The following VPS50 variants were observed in gnomAD, a reference collection of about 807,000 sequenced individuals.
VPS50 encodes syndetin.
Under a neutral mutation model 139.7 loss-of-function variants are expected in VPS50, and 70 were observed. That is an observed-to-expected ratio of 0.50 (90% CI 0.41 to 0.61). The LOEUF (loss-of-function observed/expected upper bound fraction) is 0.61. Ranked by LOEUF, VPS50 falls within the 20% of genes least tolerant of loss-of-function variation. The pLI is 0.00. For synonymous variants in VPS50, 365 were observed against 376.7 expected (o/e 0.97, Z 0.36); for missense variants, 921 against 1,133.7 (o/e 0.81, Z 2.69).
At chr7:93,294,074 A>C (rs117749428) in intron 13 of VPS50, among the ~76,000 whole-genome samples, 1 of 152,236 alleles carries the variant, frequency 6.6e-6, no homozygotes, top group African/African-American at 2.4e-5. Context: ...TAAATTATTT[A>C]TCTGGAGTGG....
At position 93,305,889 on chromosome 7, in the gene VPS50, C is replaced by T. The variant is rs759146476; in HGVS notation, c.1514C>T (p.Ser505Leu). The change falls in exon 18 of 28, where the codon TCA becomes TTA. Residue 505 changes from serine to leucine, a missense_variant. Ser to Leu is a moderately radical substitution (Grantham distance 145). Transcript: ENST00000305866. The stretch of plus-strand genomic sequence containing the variant: ...GTTTCACCTAGTAAACAGCCAGTCT[C>T]AACTTCTTCAAAAACAGTGACCTTG... ...PSVSPSKQPV[S>L]TSSKTVTLFE... The T allele has an allele frequency of 1.2e-6, 2 of 1,612,324 alleles. No individual in the cohort carries two copies. The highest frequency in any genetic ancestry group is 1.1e-5 in the South Asian group (1 of 91,034).
intron 21 of VPS50, among the ~76,000 whole-genome samples, chr7:93,327,573 T>C (rs1354159976): frequency 6.6e-6 from 1 of 152,230 alleles, no homozygotes; most frequent in Admixed American, 6.5e-5. Flanking sequence ...TAATCTGATA[T>C]TTTATATTTA....
chr7:93,245,245 T>A (rs146347497), intron 2 of VPS50, among the ~76,000 whole-genome samples: 1 of 151,644 alleles, frequency 6.6e-6, no homozygotes, highest in Non-Finnish European at 1.5e-5. Context: ...AGGATACTGA[T>A]TAAGAAGAAA....
intron 9 of VPS50, 176 bp from the exon 10 acceptor site, chr7:93,271,044 T>A: frequency 1.0e-6 from 1 of 979,140 alleles, no homozygotes; most frequent in South Asian, 2.7e-5. Context: ...ATGACTCTTA[T>A]TCCCTTCTAA....
chr7:93,321,523 G>A (rs372167650), intron 20 of VPS50, among the ~76,000 whole-genome samples: 3 of 152,246 alleles, frequency 2.0e-5, no homozygotes, highest in South Asian at 2.1e-4. Context: ...TGCAACAGCC[G>A]GGACTCTGTG....
In VPS50 at chr7:93,306,811, C is replaced by T. The variant is rs564457754; in HGVS notation, c.1629+807C>T. On this transcript the variant is annotated intron_variant, in intron 18 of 27. Transcript: ENST00000305866. ...TGATGAAGCTAAAGTGAAAACCATT[C>T]AGATGTGACAAAATATGTTGAAGGA... Among the ~76,000 whole-genome samples, 10 of 151,884 alleles carry T rather than the reference C, an allele frequency of 6.6e-5. No individual in the cohort carries two copies. The South Asian group carries it at 1.9e-3, about 28-fold the overall frequency.
At chr7:93,279,960 A>G (rs894415222) in intron 12 of VPS50, among the ~76,000 whole-genome samples, 3 of 152,128 alleles carry the variant, frequency 2.0e-5, no homozygotes, top group African/African-American at 7.2e-5. Flanking sequence ...ATATCAGCCT[A>G]AATGAGCTAC....
chr7:93,316,448 C>T (rs1423861267), intron 20 of VPS50, among the ~76,000 whole-genome samples: 2 of 152,118 alleles, frequency 1.3e-5, no homozygotes, highest in Non-Finnish European at 2.9e-5. Context: ...GGCAGACTGT[C>T]GAAGTCTCCC....
intron 1 of VPS50, among the ~76,000 whole-genome samples, chr7:93,237,117 A>ATT (rs1243190252): frequency 1.4e-5 from 2 of 139,750 alleles, no homozygotes; most frequent in East Asian, 2.1e-4. Context: ...CGCCCGGCTA[A>ATT]TTTTTTTTTT....
Position 93,257,444 on chromosome 7 carries a change from T to A in VPS50, c.402T>A (p.Val134=), listed in dbSNP as rs1795520886. 1 of 1,602,824 alleles carries A rather than the reference T, an allele frequency of 6.2e-7. No individual in the cohort carries two copies. The highest frequency in any genetic ancestry group is 1.7e-5 in the Admixed American group (1 of 59,778). ...AGACAGGTCTTCAATTAGCTGCTGT[T>A]ATCTGTACAAATGGGAGAAGGTATT... ...SLQTGLQLAA[V]ICTNGRRHLN... The change falls in exon 6 of 28, where the codon GTT becomes GTA. Residue 134 remains valine, a synonymous_variant. Transcript: ENST00000305866.
Position 93,258,235 on chromosome 7 carries a change from C to A in VPS50, c.499C>A (p.Leu167Met). 6.3e-7 allele frequency: 1 copy of A among 1,598,456 alleles called. No homozygotes were observed. The highest frequency in any genetic ancestry group is 8.6e-7 in the Non-Finnish European group (1 of 1,166,004). ...TGCAAATCAAAGGAAACGTCAGTTGCTGATTGGACTTCTGAAATCTCTGAG... is the reference window on the plus strand; with the variant it reads ...TGCAAATCAAAGGAAACGTCAGTTGATGATTGGACTTCTGAAATCTCTGAG... ...LLANQRKRQL[L>M]IGLLKSLRTI... The change falls in exon 7 of 28, where the codon CTG becomes ATG. Residue 167 changes from leucine to methionine, a missense_variant. Physicochemically the swap from Leu to Met is conservative, Grantham distance 15. Coordinates refer to ENST00000305866, the MANE Select transcript of VPS50 (RefSeq NM_017667.4).
At chr7:93,333,339 ACT>A (rs1189541392) in intron 21 of VPS50, among the ~76,000 whole-genome samples, 4 of 152,152 alleles carry the variant, frequency 2.6e-5, no homozygotes, top group African/African-American at 9.6e-5. Flanking sequence ...GTATAGTCAC[ACT>A]CATACATACA....
chr7:93,298,249 A>T (rs1483969271), intron 16 of VPS50, among the ~76,000 whole-genome samples: 1 of 152,208 alleles, frequency 6.6e-6, no homozygotes, highest in Non-Finnish European at 1.5e-5. Flanking sequence ...AAAATTTTTT[A>T]AAAATTTAAT....
intron 4 of VPS50, 96 bp downstream of exon 4, chr7:93,254,027 A>G: frequency 5.2e-6 from 3 of 580,722 alleles, no homozygotes; most frequent in Non-Finnish European, 9.1e-6. Context: ...TTAACTAACA[A>G]TTAACATAGA....
chr7:93,335,974 ATT>A lies in VPS50; in HGVS notation c.2058+1779_2058+1780del. Reference sequence around the variant, plus strand: ...ATTGGTTTGTTATTTTAGAAAATATATTTGTCATTTACTAGAACTTGCTTGAT... The same window carrying A: ...ATTGGTTTGTTATTTTAGAAAATATATGTCATTTACTAGAACTTGCTTGAT... On this transcript the variant is annotated intron_variant, in intron 22 of 27. Transcript: ENST00000305866. 1.3e-5 allele frequency among the ~76,000 whole-genome samples: 2 copies of A among 152,320 alleles called. 1 individual carries two copies. The highest frequency in any genetic ancestry group is 4.1e-4 in the South Asian group (2 of 4,830).
At position 93,355,916 on chromosome 7, in the gene VPS50, A is replaced by G; in HGVS notation, c.2611A>G (p.Asn871Asp). ...EGYANVKKCS[N>D]EGRALMQLDF... ...ATATGCCAATGTCAAGAAATGCAGT[A>G]ATGAGGGTCGTGCCCTGATGCAATT... The change falls in exon 27 of 28, where the codon AAT becomes GAT. Residue 871 changes from asparagine (N) to aspartate (D), a missense_variant. Asn to Asp is a conservative substitution (Grantham distance 23, BLOSUM62 1). Transcript: ENST00000305866. The G allele has an allele frequency of 6.3e-7, 1 of 1,594,018 alleles. No homozygotes were observed. The highest frequency in any genetic ancestry group is 8.6e-7 in the Non-Finnish European group (1 of 1,166,264).
At chr7:93,351,943 AG>A (rs1348039624) in intron 25 of VPS50, among the ~76,000 whole-genome samples, 1 of 152,198 alleles carries the variant, frequency 6.6e-6, no homozygotes, top group Non-Finnish European at 1.5e-5. Context: ...TAGCAGCTTA[AG>A]GCCTTCTTTA....
intron 18 of VPS50, among the ~76,000 whole-genome samples, chr7:93,308,200 G>C (rs1797170400): frequency 1.3e-5 from 2 of 151,774 alleles, no homozygotes. Flanking sequence ...GAATTCCACT[G>C]TCTTTCCCAT....
chr7:93,256,012 G>A (rs996666000), intron 4 of VPS50, among the ~76,000 whole-genome samples: 2 of 152,116 alleles, frequency 1.3e-5, no homozygotes, highest in Non-Finnish European at 2.9e-5. Flanking sequence ...TATCTTCATA[G>A]CGTTCCAAAA....
Sources: allele counts gnomAD v4.1 joint callset (sites outside exome capture counted in the v4.1 genomes callset), GRCh38; gene constraint gnomAD v4.1.1; transcripts MANE v1.5; gene names NCBI Gene and HGNC (gene_info 2026-07-23, HGNC 2026-07-21).